Variants in TMEFF1 observed in about 807,000 individuals in gnomAD.
The protein encoded by TMEFF1 is tomoregulin-1.
In TMEFF1, 20 loss-of-function variants were observed where a neutral mutation model predicts 47.5. The observed-to-expected ratio is 0.42, with a 90% confidence interval of 0.30 to 0.61. TMEFF1 has a LOEUF of 0.61. Ranked by LOEUF, TMEFF1 falls within the 20% of genes least tolerant of loss-of-function variation. The probability of loss-of-function intolerance (pLI) is 0.19; values close to 1 mark genes in which losing one functional copy is unlikely to be tolerated. For missense variants in TMEFF1, 411 were observed against 471.1 expected (o/e 0.87, Z 1.18); for synonymous variants, 162 against 166.3 (o/e 0.97, Z 0.20).
At chr9:100,549,618 A>G (rs1838796827) in intron 6 of TMEFF1, among the ~76,000 whole-genome samples, 1 of 152,144 alleles carries the variant, frequency 6.6e-6, no homozygotes, top group Non-Finnish European at 1.5e-5. Flanking sequence ...GTTATGGCTC[A>G]TTTATAGTCT....
At chr9:100,482,129 G>A (rs1336235933) in intron 1 of TMEFF1, among the ~76,000 whole-genome samples, 2 of 151,802 alleles carry the variant, frequency 1.3e-5, no homozygotes, top group African/African-American at 4.8e-5. Flanking sequence ...TTAAAAATCT[G>A]GAGGTTTCAC....
At chr9:100,498,139 C>T (rs1837692057) in intron 1 of TMEFF1, among the ~76,000 whole-genome samples, 1 of 152,062 alleles carries the variant, frequency 6.6e-6, no homozygotes, top group African/African-American at 2.4e-5. Flanking sequence ...ATTGGCTCTG[C>T]TTGCTTTGGT....
At chr9:100,527,422 A>C (rs949785391) in intron 5 of TMEFF1, among the ~76,000 whole-genome samples, 1 of 152,222 alleles carries the variant, frequency 6.6e-6, no homozygotes, top group Non-Finnish European at 1.5e-5. Flanking sequence ...GCATTGCCTC[A>C]CTCGGGAAGT....
Position 100,561,502 on chromosome 9 carries a change from C to G in TMEFF1, c.881C>G (p.Thr294Ser). 6.2e-7 allele frequency: 1 copy of G among 1,612,792 alleles called. No homozygotes were observed. Among genetic ancestry groups the G allele is most frequent in the South Asian group, 1.1e-5 (1 of 90,702 alleles). The change falls in exon 8 of 10, where the codon ACT becomes AGT. Residue 294 changes from threonine (T) to serine (S), a missense_variant. Physicochemically the swap from Thr to Ser is moderately conservative, Grantham distance 58 (BLOSUM62 1). Transcript: ENST00000374879. ...GGAAAATGTGAATTCATCTATTCTA[C>G]TCAGAAGGCTTCTTGTAGGTAAGTC... is the stretch of plus-strand genomic sequence containing the variant. ...IHGKCEFIYS[T>S]QKASCRCESG...
chr9:100,541,321 C>A (rs570912938), intron 5 of TMEFF1, among the ~76,000 whole-genome samples: 32 of 150,524 alleles, frequency 2.1e-4, no homozygotes, highest in Non-Finnish European at 4.1e-4. Flanking sequence ...GTGTGTTAAA[C>A]CCTATCATGG....
intron 3 of TMEFF1, among the ~76,000 whole-genome samples, chr9:100,511,895 ACCTTGT>A (rs1268702354): frequency 6.6e-6 from 1 of 152,138 alleles, no homozygotes; most frequent in Non-Finnish European, 1.5e-5. Context: ...GGAGAATTCT[ACCTTGT>A]TATCAGAGTA....
At position 100,528,145 on chromosome 9, in the gene TMEFF1, A is replaced by T. The variant is rs1838302551; in HGVS notation, c.560+11374A>T. 4.0e-5 allele frequency among the ~76,000 whole-genome samples: 6 copies of T among 151,072 alleles called. No individual in the cohort carries two copies. In the South Asian group the frequency reaches 1.3e-3, roughly 32 times the overall value. On this transcript the variant is annotated intron_variant, in intron 5 of 9. Transcript: ENST00000374879. ...ATAAAACCACAAAGATGGGGAAAAAACAGAACAGAAAAACTGGAAACTCTA... is the reference window on the plus strand; with the variant it reads ...ATAAAACCACAAAGATGGGGAAAAATCAGAACAGAAAAACTGGAAACTCTA...
intron 5 of TMEFF1, among the ~76,000 whole-genome samples, chr9:100,546,283 G>T (rs968067653): frequency 5.3e-5 from 8 of 152,150 alleles, no homozygotes; most frequent in Admixed American, 2.0e-4. Context: ...GGAAGGCAAG[G>T]AGGAGCAAGT....
chr9:100,502,101 G>A (rs1053624792), intron 2 of TMEFF1, among the ~76,000 whole-genome samples: 2 of 152,104 alleles, frequency 1.3e-5, no homozygotes, highest in South Asian at 4.1e-4. Context: ...AGTATTTTGT[G>A]TGTATATAAA....
chr9:100,518,788 A>G (rs1431247188), intron 5 of TMEFF1, among the ~76,000 whole-genome samples: 1 of 152,098 alleles, frequency 6.6e-6, no homozygotes. Context: ...CAAGAAAGTT[A>G]TATAGTGGTT....
intron 1 of TMEFF1, among the ~76,000 whole-genome samples, chr9:100,479,411 G>A (rs1402388658): frequency 6.6e-6 from 1 of 151,886 alleles, no homozygotes; most frequent in African/African-American, 2.4e-5. Flanking sequence ...TTTTAAAAGG[G>A]GTACAGTTAA....
intron 1 of TMEFF1, among the ~76,000 whole-genome samples, chr9:100,491,152 G>A (rs1272612605): frequency 2.0e-5 from 3 of 151,750 alleles, no homozygotes; most frequent in African/African-American, 7.3e-5. Flanking sequence ...CCATTTCCTG[G>A]TGTGCAATAT....
At chr9:100,476,636 G>A (rs1343848303) in intron 1 of TMEFF1, among the ~76,000 whole-genome samples, 1 of 150,562 alleles carries the variant, frequency 6.6e-6, no homozygotes, top group East Asian at 2.0e-4. Context: ...CAGGTGATCC[G>A]CCTGCCTCGG....
At chr9:100,513,044 C>G (rs1376203927) in intron 3 of TMEFF1, among the ~76,000 whole-genome samples, 2 of 151,916 alleles carry the variant, frequency 1.3e-5, no homozygotes, top group East Asian at 3.9e-4. Flanking sequence ...TATTTATTGT[C>G]TTTACTCTGT....
chr9:100,496,001 T>C (rs977571757), intron 1 of TMEFF1, among the ~76,000 whole-genome samples: 22 of 152,260 alleles, frequency 1.4e-4, no homozygotes, highest in African/African-American at 5.1e-4. Flanking sequence ...TCCTGCTAGA[T>C]ACATTGCTGA....
chr9:100,557,046 G>GAT lies in TMEFF1; in HGVS notation c.776-4340_776-4339dup, dbSNP rs200297483. ...GTACTAACCTTTTAATTGGTCACCT[G>GAT]ATATATATATATGGTCTTCCTAGTT... On this transcript the variant is annotated intron_variant, in intron 7 of 9. Coordinates refer to ENST00000374879, the MANE Select transcript of TMEFF1 (RefSeq NM_003692.5). Among the ~76,000 whole-genome samples, 490 of 148,968 alleles carry GAT rather than the reference G, an allele frequency of 3.3e-3. 3 individuals are homozygous for GAT. The highest frequency in any genetic ancestry group is 0.011 in the African/African-American group (451 of 40,348).
intron 7 of TMEFF1, among the ~76,000 whole-genome samples, chr9:100,555,158 C>T (rs912138277): frequency 8.4e-5 from 12 of 142,486 alleles, no homozygotes; most frequent in African/African-American, 3.1e-4. Flanking sequence ...ATATTGTACA[C>T]ACAGACACAC....
intron 2 of TMEFF1, among the ~76,000 whole-genome samples, chr9:100,508,683 T>A (rs1837907840): frequency 6.6e-6 from 1 of 152,044 alleles, no homozygotes; most frequent in South Asian, 2.1e-4. Context: ...TTGATAATAA[T>A]AAAATGCTAT....
chr9:100,473,641 T>G lies in TMEFF1; in HGVS notation c.97T>G (p.Ser33Ala). The G allele has an allele frequency of 6.4e-7, 1 of 1,553,978 alleles. No individual in the cohort carries two copies. The highest frequency in any genetic ancestry group is 1.4e-5 in the African/African-American group (1 of 72,996). Residue 33 changes from serine to alanine, a missense_variant, in exon 1 of 10, where the codon TCT (serine) becomes GCT (alanine). By Grantham distance (99) the Ser-to-Ala change is moderately conservative (BLOSUM62 1). Transcript: ENST00000374879. The surrounding 1 kb of genome is among the most constrained non-coding windows in gnomAD (Gnocchi z 5.4). ...YTSVLLLFAF[S>A]LPGSRASNQP... Reference sequence around the variant, plus strand: ...GTCGGTGCTTCTGCTCTTCGCCTTCTCTCTGCCCGGGAGCCGCGCGTCCAA... The same window carrying G: ...GTCGGTGCTTCTGCTCTTCGCCTTCGCTCTGCCCGGGAGCCGCGCGTCCAA...
Sources: allele counts gnomAD v4.1 joint callset (sites outside exome capture counted in the v4.1 genomes callset), GRCh38; gene constraint gnomAD v4.1.1; non-coding constraint Gnocchi (gnomAD v3.1); transcripts MANE v1.5; gene names NCBI Gene and HGNC (gene_info 2026-07-23, HGNC 2026-07-21).